Variants in OR7C1 observed in about 807,000 individuals in gnomAD.
The protein encoded by OR7C1 is olfactory receptor 7C1.
For missense variants in OR7C1, 324 were observed against 383.3 expected (o/e 0.85, Z 1.29); for synonymous variants, 152 against 160.7 (o/e 0.95, Z 0.41).
At chr19:14,828,907 G>A (rs893492084) in intron 1 of OR7C1, among the ~76,000 whole-genome samples, 15 of 150,890 alleles carry the variant, frequency 9.9e-5, no homozygotes, top group African/African-American at 3.4e-4. Context: ...ATCTAATGAT[G>A]AAGAAAGAAT....
chr19:14,801,799 G>A (rs994781670), intron 2 of OR7C1, among the ~76,000 whole-genome samples: 2 of 152,248 alleles, frequency 1.3e-5, no homozygotes, highest in African/African-American at 4.8e-5. Flanking sequence ...AGCAGAGAGA[G>A]AGAGAGCGCG....
At chr19:14,829,323 C>A (rs74931422) in intron 1 of OR7C1, among the ~76,000 whole-genome samples, 1 of 152,218 alleles carries the variant, frequency 6.6e-6, no homozygotes, top group African/African-American at 2.4e-5. Flanking sequence ...CCTGCCTCAG[C>A]CTCCCGAGTA....
chr19:14,803,307 CAAAA>C (rs553496845), intron 2 of OR7C1, among the ~76,000 whole-genome samples: 1 of 83,582 alleles, frequency 1.2e-5, no homozygotes, highest in African/African-American at 4.6e-5. Flanking sequence ...ACTATGTCTC[CAAAA>C]AAAAAAAAAA....
At chr19:14,812,403 A>G (rs765703680) in intron 1 of OR7C1, among the ~76,000 whole-genome samples, 5 of 152,194 alleles carry the variant, frequency 3.3e-5, no homozygotes, top group Non-Finnish European at 7.3e-5. Flanking sequence ...TCAACTCATG[A>G]CTTAGAAACC....
At chr19:14,798,832 T>A (rs887904583) in exon 5 of OR7C1, 19 of 193,686 alleles carry the variant, frequency 9.8e-5, no homozygotes, top group Non-Finnish European at 1.2e-4. Flanking sequence ...AGAGGGAGCC[T>A]CCATGTTGAA....
At chr19:14,821,652 CTA>C (rs1257324916) in intron 1 of OR7C1, among the ~76,000 whole-genome samples, 1 of 152,188 alleles carries the variant, frequency 6.6e-6, no homozygotes, top group African/African-American at 2.4e-5. Context: ...TATCATGAAA[CTA>C]GTTTGTAGGT....
chr19:14,799,719 G>A, exon 5 of OR7C1: 2 of 1,614,114 alleles, frequency 1.2e-6, no homozygotes, highest in Non-Finnish European at 8.5e-7. Flanking sequence ...AGTCCACAGA[G>A]CTGGGGGTTC....
exon 1 of OR7C1, chr19:14,835,104 T>G (rs2044872060): frequency 6.6e-6 from 1 of 152,190 alleles, no homozygotes; most frequent in Non-Finnish European, 1.5e-5. Flanking sequence ...GAAGAGTTCC[T>G]TGTGTAAGTG....
intron 2 of OR7C1, among the ~76,000 whole-genome samples, chr19:14,806,201 T>C (rs2044665966): frequency 6.6e-6 from 1 of 151,962 alleles, no homozygotes; most frequent in Admixed American, 6.6e-5. Context: ...GTGTGGCTGT[T>C]ACTGTGTGTG....
chr19:14,825,874 T>C (rs2044764020), intron 1 of OR7C1: 1 of 152,378 alleles, frequency 6.6e-6, no homozygotes, highest in Non-Finnish European at 1.5e-5. Flanking sequence ...AGATGACTTG[T>C]TATTCAGCAA....
chr19:14,816,672 C>T (rs911030540), intron 1 of OR7C1, among the ~76,000 whole-genome samples: 2 of 152,110 alleles, frequency 1.3e-5, no homozygotes, highest in Admixed American at 1.3e-4. Flanking sequence ...AGCTTGAAGA[C>T]GATCTATTGT....
At chr19:14,816,363 C>T (rs963499592) in intron 1 of OR7C1, among the ~76,000 whole-genome samples, 7 of 152,154 alleles carry the variant, frequency 4.6e-5, no homozygotes, top group Non-Finnish European at 8.8e-5. Context: ...CTGAAGGAGG[C>T]AGACCCACCC....
rs1418646702 is a variant in OR7C1 at position 14,799,847 on chromosome 19, C to T, written c.290G>A (p.Cys97Tyr). 3.1e-6 allele frequency: 5 copies of T among 1,612,768 alleles called. No individual in the cohort carries two copies. In the African/African-American group the frequency reaches 6.7e-5, roughly 22 times the overall value. ...AGTGAAAAAAAAAATCTGACTGAGA[C>T]AGCCTGCATATGTTATGAATTTGTT... The change falls in exon 5 of 5, where the codon TGT becomes TAT. Residue 97 changes from cysteine to tyrosine, a missense_variant. Coordinates refer to ENST00000641666, the Ensembl canonical transcript of OR7C1.
intron 2 of OR7C1, among the ~76,000 whole-genome samples, chr19:14,808,291 A>G (rs1291709695): frequency 6.6e-6 from 1 of 151,936 alleles, no homozygotes; most frequent in Non-Finnish European, 1.5e-5. Flanking sequence ...AAGAAAAGAA[A>G]TCATTACACA....
chr19:14,812,538 ATCATGACCCTT>A, intron 1 of OR7C1, among the ~76,000 whole-genome samples: 1 of 152,164 alleles, frequency 6.6e-6, no homozygotes, highest in Middle Eastern at 3.4e-3. Context: ...GCTCAAATCA[ATCATGACCCTT>A]TCATGTGAAA....
chr19:14,799,910 G>A (rs1384199647), exon 5 of OR7C1: 5 of 1,614,012 alleles, frequency 3.1e-6, no homozygotes, highest in East Asian at 2.2e-5. Flanking sequence ...TGGGACAGTC[G>A]TGGAGGTAAA....
intron 2 of OR7C1, among the ~76,000 whole-genome samples, chr19:14,803,944 C>T (rs753366764): frequency 6.6e-6 from 1 of 151,918 alleles, no homozygotes; most frequent in Non-Finnish European, 1.5e-5. Context: ...CTCCTGATCT[C>T]GTGATCCACC....
At chr19:14,830,797 C>T (rs761622511) in intron 1 of OR7C1, among the ~76,000 whole-genome samples, 19 of 152,122 alleles carry the variant, frequency 1.2e-4, no homozygotes, top group Non-Finnish European at 1.9e-4. Flanking sequence ...GATAGATAAG[C>T]TCTAAGTCTG....
chr19:14,827,092 A>G, intron 1 of OR7C1: 1 of 486,724 alleles, frequency 2.1e-6, no homozygotes, highest in African/African-American at 2.0e-5. Context: ...AACAAAGAGA[A>G]AAAACTGTTG....
Sources: gnomAD v4.1 joint callset for allele counts (sites outside exome capture counted in the v4.1 genomes callset) on GRCh38, gnomAD v4.1.1 for gene constraint, MANE v1.5 for transcripts, NCBI Gene and HGNC (gene_info 2026-07-23, HGNC 2026-07-21) for gene names.